TEPSIN: variants seen among roughly 807,000 people sequenced by gnomAD.
TEPSIN encodes TEPSIN adaptor related protein complex 4 accessory protein.
Under a neutral mutation model 48.5 loss-of-function variants are expected in TEPSIN, and 50 were observed. That is an observed-to-expected ratio of 1.03 (90% CI 0.82 to 1.31). TEPSIN has a LOEUF of 1.31. TEPSIN is among the 50% of genes most tolerant of loss of function. The pLI is 0.00. For missense variants in TEPSIN, 838 were observed against 815.9 expected (o/e 1.03, Z -0.33); for synonymous variants, 392 against 358.8 (o/e 1.09, Z -1.05).
Position 81,229,225 on chromosome 17 carries a change from G to A in TEPSIN, c.1485C>T (p.Ala495=), listed in dbSNP as rs140989925. Residue 495 remains alanine (A), a synonymous_variant, in exon 13 of 13, where the codon GCC becomes GCT. Transcript: ENST00000637944. The part of the protein sequence containing the change: ...TPPPDASPIP[A]PGDPSEAEAR... ...CCTCGGCCTCGCTGGGGTCTCCGGG[G>A]GCTGGAATGGGGGAGGCATCTGGGG... 3.3e-5 allele frequency: 52 copies of A among 1,599,854 alleles called. No individual in the cohort carries two copies. The African/African-American group carries it at 6.2e-4, about 19-fold the overall frequency.
Position 81,231,242 on chromosome 17 carries a change from C to T in TEPSIN, c.1098+156G>A, listed in dbSNP as rs111248781. Reference sequence around the variant, plus strand: ...ACATACACAGGCATACACACCCACACGCACACACACAGGCATGTGCGCACG... The same window carrying T: ...ACATACACAGGCATACACACCCACATGCACACACACAGGCATGTGCGCACG... On this transcript the variant is annotated intron_variant, in intron 11 of 12. Coordinates refer to ENST00000637944, the MANE Select transcript of TEPSIN (RefSeq NM_001363764.2). 2,201 of 739,412 alleles carry T rather than the reference C, an allele frequency of 3.0e-3. 7 individuals are homozygous for T. Among genetic ancestry groups the T allele is most frequent in the Non-Finnish European group, 4.0e-3 (1,829 of 459,400 alleles). The allele number at this position is 739,412 out of a possible 1,614,324, so 45.8% of individuals were successfully genotyped here. A position where few individuals can be genotyped will look rare whatever the true frequency, so the allele number is the denominator to read the frequency against.
Position 81,237,085 on chromosome 17 carries a change from G to C in TEPSIN, c.122-14C>G. On this transcript the variant is annotated splice_polypyrimidine_tract_variant and intron_variant, in intron 2 of 12. Transcript: ENST00000637944. ...CGTGGGAGATTTCTGCGGCACGCTC[G>C]GGTTAGGGAAGGGCGAGATGATGAG... is the stretch of plus-strand genomic sequence containing the variant. The C allele has an allele frequency of 6.4e-7, 1 of 1,573,742 alleles. No individual in the cohort carries two copies. The highest frequency in any genetic ancestry group is 1.3e-5 in the African/African-American group (1 of 74,226).
chr17:81,230,889 C>CTCTCCCAGACACCAGA lies in TEPSIN; in HGVS notation c.1099-212_1099-211insTCTGGTGTCTGGGAGA. Reference sequence around the variant, plus strand: ...CCCTGTCCTCACCACCTTACACCCCCGCTCCCAGACACCAGAGCCCTGTCT... The same window carrying CTCTCCCAGACACCAGA: ...CCCTGTCCTCACCACCTTACACCCCCTCTCCCAGACACCAGAGCTCCCAGACACCAGAGCCCTGTCT... On this transcript the variant is annotated intron_variant, in intron 11 of 12. Transcript: ENST00000637944. This position sits in a 1 kb window ranked among gnomAD's most constrained non-coding sequence, Gnocchi z 4.2. 1.8e-6 allele frequency: 1 copy of CTCTCCCAGACACCAGA among 557,892 alleles called. No homozygotes were observed. The highest frequency in any genetic ancestry group is 2.3e-5 in the South Asian group (1 of 43,422). The allele number at this position is 557,892 out of a possible 1,614,324, so 34.6% of individuals were successfully genotyped here. A position where few individuals can be genotyped will look rare whatever the true frequency, so the allele number is the denominator to read the frequency against.
Position 81,233,722 on chromosome 17 carries a change from G to C in TEPSIN, c.376-6C>G, listed in dbSNP as rs566700076. ...AACAGGGTGCTCCCCAAGTCCTACAGGGGGAGGCGAAGGCCCTCAGTGTCC... is the reference window on the plus strand; with the variant it reads ...AACAGGGTGCTCCCCAAGTCCTACACGGGGAGGCGAAGGCCCTCAGTGTCC... On this transcript the variant is annotated splice_region_variant and splice_polypyrimidine_tract_variant and intron_variant, in intron 5 of 12. Transcript: ENST00000637944. This position sits in a 1 kb window ranked among gnomAD's most constrained non-coding sequence, Gnocchi z 5.8. The C allele has an allele frequency of 4.4e-6, 7 of 1,591,200 alleles. No homozygotes were observed. Among genetic ancestry groups the C allele is most frequent in the African/African-American group, 1.3e-5 (1 of 74,796 alleles).
chr17:81,233,434 G>A lies in TEPSIN; in HGVS notation c.524C>T (p.Thr175Met), dbSNP rs201854708. Residue 175 changes from threonine to methionine, a missense_variant and splice_region_variant, in exon 7 of 13, where the codon ACG becomes ATG. Transcript: ENST00000637944. This position sits in a 1 kb window ranked among gnomAD's most constrained non-coding sequence, Gnocchi z 5.8. Reference sequence around the variant, plus strand: ...CCATGCAGGCCCTCCCCACTCACCCGTGCGGCCGTGTTCCTTGCTGTAGCC... The same window carrying A: ...CCATGCAGGCCCTCCCCACTCACCCATGCGGCCGTGTTCCTTGCTGTAGCC... Reference protein sequence around the residue: ...GFGYSKEHGRTGSAGEAFLST... With the variant: ...GFGYSKEHGRMGSAGEAFLST... The A allele has an allele frequency of 8.1e-6, 13 of 1,610,564 alleles. No homozygotes were observed. The highest frequency in any genetic ancestry group is 2.2e-5 in the East Asian group (1 of 44,838).
rs371722128 is a variant in TEPSIN at position 81,231,503 on chromosome 17, G to A, written c.1020-27C>T. On this transcript the variant is annotated intron_variant, in intron 10 of 12. Coordinates refer to ENST00000637944, the MANE Select transcript of TEPSIN (RefSeq NM_001363764.2). Reference sequence around the variant, plus strand: ...TGCACAGAGGGGACACCTGGGTGGCGGGTGCGGCCCGTTCCCTCCTCCCTC... The same window carrying A: ...TGCACAGAGGGGACACCTGGGTGGCAGGTGCGGCCCGTTCCCTCCTCCCTC... The A allele has an allele frequency of 5.7e-5, 89 of 1,565,888 alleles. 1 individual carries two copies. The Middle Eastern group carries it at 8.4e-4, about 15-fold the overall frequency.
intron 11 of TEPSIN, 57 bp downstream of exon 11, chr17:81,231,341 A>G (rs955874365): frequency 1.4e-6 from 2 of 1,460,120 alleles, no homozygotes; most frequent in Middle Eastern, 2.5e-4. Flanking sequence ...ACACGCACAC[A>G]CACGCACACA....
rs757716851 is a variant in TEPSIN, at chr17:81,237,401, A to G, written c.107T>C (p.Phe36Ser). 3.9e-5 allele frequency: 63 copies of G among 1,611,852 alleles called. No homozygotes were observed. In the South Asian group the frequency reaches 6.3e-4, roughly 16 times the overall value. ...DDDVPCPGYL[F>S]EEIAKISHES... Reference sequence around the variant, plus strand: ...AGGAAGGATACTAGCAATCTCTTCAAACAGGTAGCCCGGACACGGGACATC... The same window carrying G: ...AGGAAGGATACTAGCAATCTCTTCAGACAGGTAGCCCGGACACGGGACATC... The change falls in exon 2 of 13, where the codon TTT becomes TCT. Residue 36 changes from phenylalanine (F) to serine (S), a missense_variant. By Grantham distance (155) the Phe-to-Ser change is radical (BLOSUM62 -2). Transcript: ENST00000637944.
chr17:81,231,945 G>T lies in TEPSIN; in HGVS notation c.807C>A (p.Ser269=). 1.2e-6 allele frequency: 2 copies of T among 1,613,604 alleles called. No homozygotes were observed. The highest frequency in any genetic ancestry group is 1.1e-5 in the South Asian group (1 of 91,088). The change falls in exon 9 of 13, where the codon TCC becomes TCA. Residue 269 remains serine (S), a synonymous_variant. Transcript: ENST00000637944. The part of the protein sequence containing the change: ...LDSGPSSQNS[S]QNSDLSRVSD... ...AGACCCTGCTCAGGTCGCTGTTCTG[G>T]GAGGAATTCTGAGAGCTGGGGCCGC...
Position 81,231,918 on chromosome 17 carries a change from C to T in TEPSIN, c.834G>A (p.Ser278=), listed in dbSNP as rs199523754. Residue 278 remains serine (S), a synonymous_variant, in exon 9 of 13, where the codon TCG becomes TCA. Transcript: ENST00000637944. ...SSQNSDLSRV[S]DSGSHSGSDS... Reference sequence around the variant, plus strand: ...CGCTGCCGGAATGACTGCCCGAGTCCGAGACCCTGCTCAGGTCGCTGTTCT... The same window carrying T: ...CGCTGCCGGAATGACTGCCCGAGTCTGAGACCCTGCTCAGGTCGCTGTTCT... 2.1e-4 allele frequency: 346 copies of T among 1,613,640 alleles called. No homozygotes were observed. The highest frequency in any genetic ancestry group is 9.0e-4 in the South Asian group (82 of 91,080).
At position 81,229,390 on chromosome 17, in the gene TEPSIN, TGGGAGGGCG is replaced by T. The variant is rs1439779897; in HGVS notation, c.1311_1319del (p.Ala438_Pro440del). ...CGTCGGTCAGCAGGTCAGATGGGCC[TGGGAGGGCG>T]GCTGTGGGGCCAGGCTCAGCTGAGG... On this transcript the variant is annotated inframe_deletion, in exon 13 of 13. Transcript: ENST00000637944. The T allele has an allele frequency of 1.2e-5, 19 of 1,552,566 alleles. No homozygotes were observed. Among genetic ancestry groups the T allele is most frequent in the Non-Finnish European group, 4.4e-6 (5 of 1,148,704 alleles).
In TEPSIN at chr17:81,230,382, C is replaced by T; in HGVS notation, c.1233+162G>A. 1 of 990,634 alleles carries T rather than the reference C, an allele frequency of 1.0e-6. No individual in the cohort carries two copies. Among genetic ancestry groups the T allele is most frequent in the South Asian group, 1.6e-5 (1 of 61,634 alleles). 61.4% of individuals were successfully genotyped at this position (990,634 alleles called of 1,614,324 possible). A position where few individuals can be genotyped will look rare whatever the true frequency, so the allele number is the denominator to read the frequency against. On this transcript the variant is annotated intron_variant, in intron 12 of 12. Coordinates refer to ENST00000637944, the MANE Select transcript of TEPSIN (RefSeq NM_001363764.2). The surrounding 1 kb of genome is among the most constrained non-coding windows in gnomAD (Gnocchi z 4.2). ...GGAAGGCAATGGGGAGGTGAGGACCCTGACTTGCTGCTGCTCCCTCTGCCA... is the reference window on the plus strand; with the variant it reads ...GGAAGGCAATGGGGAGGTGAGGACCTTGACTTGCTGCTGCTCCCTCTGCCA...
intron 4 of TEPSIN, among the ~76,000 whole-genome samples, chr17:81,235,653 C>T (rs1413273723): frequency 1.3e-5 from 2 of 152,198 alleles, no homozygotes; most frequent in African/African-American, 4.8e-5. Context: ...CGTACATGCA[C>T]CAACCACAGC....
chr17:81,229,177 C>T lies in TEPSIN; in HGVS notation c.1533G>A (p.Arg511=), dbSNP rs766533886. Residue 511 remains arginine, a synonymous_variant, in exon 13 of 13, where the codon CGG becomes CGA. Transcript: ENST00000637944. ...EAEARLAESR[R]WRPERIPGGT... ...CCCCTGGGATCCGTTCAGGTCTCCA[C>T]CGCCTGCTTTCTGCCAGTCTGGCCT... 1 of 1,611,838 alleles carries T rather than the reference C, an allele frequency of 6.2e-7. No individual in the cohort carries two copies.
At position 81,229,315 on chromosome 17, in the gene TEPSIN, G is replaced by T; in HGVS notation, c.1395C>A (p.Thr465=). ...GAGCAGGGCTCCGGGACGAGACCGG[G>T]GTTGAACTCAGAGGCTGCAGGAAGA... ...SQVFLQPLSS[T]PVSSRSPAPS... The change falls in exon 13 of 13, where the codon ACC becomes ACA. Residue 465 remains threonine (T), a synonymous_variant. Coordinates refer to ENST00000637944, the MANE Select transcript of TEPSIN (RefSeq NM_001363764.2). The T allele has an allele frequency of 1.9e-6, 3 of 1,572,188 alleles. No homozygotes were observed. The highest frequency in any genetic ancestry group is 2.6e-6 in the Non-Finnish European group (3 of 1,158,752).
chr17:81,231,917 C>A lies in TEPSIN; in HGVS notation c.835G>T (p.Asp279Tyr), dbSNP rs958245891. The change falls in exon 9 of 13, where the codon GAC becomes TAC. Residue 279 changes from aspartate (D) to tyrosine (Y), a missense_variant. By Grantham distance (160) the Asp-to-Tyr change is radical (BLOSUM62 -3). Transcript: ENST00000637944. Reference sequence around the variant, plus strand: ...TCGCTGCCGGAATGACTGCCCGAGTCCGAGACCCTGCTCAGGTCGCTGTTC... The same window carrying A: ...TCGCTGCCGGAATGACTGCCCGAGTACGAGACCCTGCTCAGGTCGCTGTTC... The part of the protein sequence containing the change: ...SQNSDLSRVS[D>Y]SGSHSGSDSH... 3.1e-6 allele frequency: 5 copies of A among 1,613,676 alleles called. No individual in the cohort carries two copies. The highest frequency in any genetic ancestry group is 4.2e-6 in the Non-Finnish European group (5 of 1,179,998).
In TEPSIN at chr17:81,228,853, G is replaced by A; in HGVS notation, c.*75C>T. ...CTGCCTGGAGACTGTAGCAGCTACG[G>A]TTGAGGCTGCTCAGGAAGCACAGAC... is the stretch of plus-strand genomic sequence containing the variant. On this transcript the variant is annotated 3_prime_UTR_variant, in exon 13 of 13. Transcript: ENST00000637944. 6.4e-7 allele frequency: 1 copy of A among 1,566,298 alleles called. No homozygotes were observed. The highest frequency in any genetic ancestry group is 2.3e-4 in the Middle Eastern group (1 of 4,380).
intron 3 of TEPSIN, 48 bp downstream of exon 3, chr17:81,236,932 A>G (rs2146851866): frequency 1.3e-6 from 2 of 1,539,438 alleles, no homozygotes; most frequent in African/African-American, 1.4e-5. Context: ...CATCCTCACC[A>G]CCGTGGGCCG....
intron 8 of TEPSIN, 65 bp from the exon 9 acceptor site, chr17:81,232,086 G>A (rs954610420): frequency 3.2e-5 from 50 of 1,552,188 alleles, no homozygotes; most frequent in African/African-American, 5.4e-5. Context: ...CCCACCTCCC[G>A]GGGCCCTGGA....
Sources: gnomAD v4.1 joint callset for allele counts (sites outside exome capture counted in the v4.1 genomes callset) on GRCh38, gnomAD v4.1.1 for gene constraint, Gnocchi (gnomAD v3.1) non-coding constraint, MANE v1.5 for transcripts, NCBI Gene and HGNC (gene_info 2026-07-23, HGNC 2026-07-21) for gene names.